The following TGFBI variants were observed in gnomAD, a reference collection of about 807,000 sequenced individuals.
TGFBI encodes transforming growth factor-beta-induced protein ig-h3.
Under a neutral mutation model 73.7 loss-of-function variants are expected in TGFBI, and 50 were observed. The observed-to-expected ratio is 0.68, with a 90% CI of 0.54 to 0.86. TGFBI has a LOEUF of 0.86. Among genes scored for constraint, TGFBI ranks in the 40% least tolerant of loss-of-function variants. The pLI is 0.00. For missense variants in TGFBI, 839 were observed against 877.0 expected, an observed-to-expected ratio of 0.96 and a Z score of 0.55; for synonymous variants, 362 against 360.5, an observed-to-expected ratio of 1.00 and a Z score of -0.05.
At chr5:136,055,888 A>G (rs1293167819) in intron 11 of TGFBI, 72 bp downstream of exon 11, 38 of 1,474,218 alleles carry the variant, frequency 2.6e-5, no homozygotes, top group Non-Finnish European at 1.8e-6. Flanking sequence ...GGCCCCAGCT[A>G]TTTGTCAAGC....
intron 3 of TGFBI, 68 bp downstream of exon 3, chr5:136,044,190 C>G (rs1363165794): frequency 7.3e-7 from 1 of 1,366,002 alleles, no homozygotes; most frequent in African/African-American, 1.4e-5. Flanking sequence ...GAGGAGTACC[C>G]ACATAAAAGG....
intron 11 of TGFBI, 135 bp downstream of exon 11, chr5:136,055,951 TC>T: frequency 1.1e-6 from 1 of 930,292 alleles, no homozygotes; most frequent in Non-Finnish European, 1.5e-6. Flanking sequence ...GCTGCGACCT[TC>T]CAGACTTGGG....
At chr5:136,054,653 C>T (rs1264489368) in intron 9 of TGFBI, 63 bp from the exon 10 acceptor site, 5 of 1,607,576 alleles carry the variant, frequency 3.1e-6, no homozygotes, top group Non-Finnish European at 2.6e-6. Context: ...GTATTTATCT[C>T]TCATCACTCT....
At position 136,047,346 on chromosome 5, in the gene TGFBI, G is replaced by A. The variant is rs1215819431; in HGVS notation, c.697G>A (p.Asp233Asn). 13 of 1,613,704 alleles carry A rather than the reference G, an allele frequency of 8.1e-6. No individual in the cohort carries two copies. Among genetic ancestry groups the A allele is most frequent in the African/African-American group, 8.0e-5 (6 of 74,866 alleles). Residue 233 changes from aspartate (D) to asparagine (N), a missense_variant, in exon 6 of 17, where the codon GAT becomes AAT. By Grantham distance (23) the Asp-to-Asn change is conservative. Coordinates refer to ENST00000442011, the MANE Select transcript of TGFBI (RefSeq NM_000358.3). ...HATNGVVHLIDKVISTITNNI... is the reference protein window; with the variant it reads ...HATNGVVHLINKVISTITNNI... The stretch of plus-strand genomic sequence containing the variant: ...AACCAACGGGGTGGTGCACCTCATC[G>A]ATAAGGTCATCTCCACCATCACCAA...
At chr5:136,047,757 A>C in intron 6 of TGFBI, 1 of 257,756 alleles carries the variant, frequency 3.9e-6, no homozygotes, top group East Asian at 8.7e-5. Flanking sequence ...TACTAGAATA[A>C]ATGGCCTATC....
chr5:136,060,693 A>G (rs1751731983), intron 13 of TGFBI, 141 bp from the exon 14 acceptor site: 2 of 565,938 alleles, frequency 3.5e-6, no homozygotes. Flanking sequence ...CTGGGCGACA[A>G]GATTGAAACT....
At chr5:136,033,304 G>A (rs887129466) in intron 1 of TGFBI, among the ~76,000 whole-genome samples, 1 of 152,154 alleles carries the variant, frequency 6.6e-6, no homozygotes, top group Non-Finnish European at 1.5e-5. Context: ...TTAAATGGGA[G>A]AGCATCCCCT....
chr5:136,036,543 AG>A (rs1751225113), intron 2 of TGFBI, among the ~76,000 whole-genome samples: 1 of 152,106 alleles, frequency 6.6e-6, no homozygotes, highest in South Asian at 2.1e-4. Flanking sequence ...GCTCAGTAAG[AG>A]TGGCTTGGCA....
chr5:136,061,852 AAC>A (rs1345666353), intron 15 of TGFBI, among the ~76,000 whole-genome samples: 1 of 152,210 alleles, frequency 6.6e-6, no homozygotes, highest in Non-Finnish European at 1.5e-5. Flanking sequence ...TGCTGGAGAG[AAC>A]AGACATAGCT....
At chr5:136,054,652 T>C in intron 9 of TGFBI, 64 bp from the exon 10 acceptor site, 2 of 1,606,610 alleles carry the variant, frequency 1.2e-6, no homozygotes, top group Middle Eastern at 1.7e-4. Flanking sequence ...TGTATTTATC[T>C]CTCATCACTC....
intron 1 of TGFBI, among the ~76,000 whole-genome samples, chr5:136,029,752 T>A (rs1751082411): frequency 6.6e-6 from 1 of 152,188 alleles, no homozygotes; most frequent in African/African-American, 2.4e-5. Flanking sequence ...ATGTGGCACT[T>A]CTTGTCCTGC....
Position 136,029,105 on chromosome 5 carries a change from G to C in TGFBI, c.50G>C (p.Gly17Ala), listed in dbSNP as rs770699457. Reference sequence around the variant, plus strand: ...GCTCTCGCCCTGGCTCTGGCCCTGGGCCCCGCCGCGACCCTGGCGGGTCCC... The same window carrying C: ...GCTCTCGCCCTGGCTCTGGCCCTGGCCCCCGCCGCGACCCTGGCGGGTCCC... ...LLALALALAL[G>A]PAATLAGPAK... The change falls in exon 1 of 17, where the codon GGC (glycine) becomes GCC (alanine). Residue 17 changes from glycine (G) to alanine (A), a missense_variant. Coordinates refer to ENST00000442011, the MANE Select transcript of TGFBI (RefSeq NM_000358.3). 1.3e-4 allele frequency: 199 copies of C among 1,525,908 alleles called. 1 individual carries two copies. In the African/African-American group the frequency reaches 2.6e-3, roughly 20 times the overall value. 94.5% of individuals were successfully genotyped at this position (1,525,908 alleles called of 1,614,324 possible). A position where few individuals can be genotyped will look rare whatever the true frequency, so the allele number is the denominator to read the frequency against.
intron 1 of TGFBI, among the ~76,000 whole-genome samples, chr5:136,033,416 C>T (rs779004464): frequency 2.0e-5 from 3 of 152,178 alleles, no homozygotes; most frequent in Non-Finnish European, 4.4e-5. Context: ...AGCCAAGCAG[C>T]TGGTCCAGGC....
In TGFBI at chr5:136,055,830, T is replaced by TC; in HGVS notation, c.1547+18dup. On this transcript the variant is annotated intron_variant, in intron 11 of 16. Transcript: ENST00000442011. ...CAATCGCTTTAGGTAATTAGTTCCA[T>TC]CCCCGGGTGGAGCTTCTGCCCAGTG... is the stretch of plus-strand genomic sequence containing the variant. The TC allele has an allele frequency of 2.5e-6, 4 of 1,592,018 alleles. No individual in the cohort carries two copies. Among genetic ancestry groups the TC allele is most frequent in the Non-Finnish European group, 3.4e-6 (4 of 1,164,462 alleles).
Position 136,029,180 on chromosome 5 carries a change from G to T in TGFBI, c.125G>T (p.Arg42Leu), listed in dbSNP as rs1470795059. 3 of 1,505,510 alleles carry T rather than the reference G, an allele frequency of 2.0e-6. No homozygotes were observed. The African/African-American group carries it at 4.3e-5, about 22-fold the overall frequency. The allele number at this position is 1,505,510 out of a possible 1,614,324, so 93.3% of individuals were successfully genotyped here. Residue 42 changes from arginine (R) to leucine (L), a missense_variant, in exon 1 of 17, where the codon CGC becomes CTC. Physicochemically the swap from Arg to Leu is moderately radical, Grantham distance 102 (BLOSUM62 -2). Transcript: ENST00000442011. ...LVLQHSRLRGRQHGPNVCAVQ... is the reference protein window; with the variant it reads ...LVLQHSRLRGLQHGPNVCAVQ... ...CTGCAGCACAGCAGGCTCCGGGGCC[G>T]CCAGCACGGGTAAGCCGAGCCGCCT... is the stretch of plus-strand genomic sequence containing the variant.
At chr5:136,045,370 C>T (rs1473468713) in intron 3 of TGFBI, among the ~76,000 whole-genome samples, 1 of 152,136 alleles carries the variant, frequency 6.6e-6, no homozygotes, top group African/African-American at 2.4e-5. Context: ...TAGTGAAACT[C>T]TGTCTCTACT....
intron 13 of TGFBI, among the ~76,000 whole-genome samples, chr5:136,059,535 G>C (rs1990200): frequency 1 from 151,882 of 152,316 alleles, 75,726 homozygotes; most frequent in East Asian, 1. Context: ...AGATCAGTCT[G>C]TACTCACACC....
At position 136,047,400 on chromosome 5, in the gene TGFBI, G is replaced by A. The variant is rs1373807953; in HGVS notation, c.751G>A (p.Asp251Asn). Residue 251 changes from aspartate (D) to asparagine (N), a missense_variant, in exon 6 of 17, where the codon GAC becomes AAC. Physicochemically the swap from Asp to Asn is conservative, Grantham distance 23. Transcript: ENST00000442011. ...CATCCAGCAGATCATTGAGATCGAG[G>A]ACACCTTTGAGACCCTTCGGGTAAG... ...NNIQQIIEIE[D>N]TFETLRAAVA... 1 of 1,613,888 alleles carries A rather than the reference G, an allele frequency of 6.2e-7. No individual in the cohort carries two copies. The highest frequency in any genetic ancestry group is 8.5e-7 in the Non-Finnish European group (1 of 1,179,872).
At chr5:136,040,914 C>T (rs1162069608) in intron 2 of TGFBI, among the ~76,000 whole-genome samples, 1 of 152,172 alleles carries the variant, frequency 6.6e-6, no homozygotes, top group African/African-American at 2.4e-5. Flanking sequence ...CTGCCTGGGA[C>T]CAGGGCCAGG....
Sources: allele counts gnomAD v4.1 joint callset (sites outside exome capture counted in the v4.1 genomes callset), GRCh38; gene constraint gnomAD v4.1.1; transcripts MANE v1.5; gene names NCBI Gene and HGNC (gene_info 2026-07-23, HGNC 2026-07-21).